The following RALGAPA2 variants were observed in gnomAD, a reference collection of about 807,000 sequenced individuals.
RALGAPA2 encodes Ral GTPase activating protein catalytic subunit alpha 2.
In RALGAPA2, 139 loss-of-function variants were observed where a neutral mutation model predicts 230.4. The observed-to-expected ratio is 0.60, with a 90% confidence interval of 0.53 to 0.69. The LOEUF is 0.69. Among genes scored for constraint, RALGAPA2 ranks in the 30% least tolerant of loss-of-function variants. The pLI, the probability that RALGAPA2 is intolerant of heterozygous loss-of-function variation, is 0.00. For synonymous variants in RALGAPA2, 847 were observed against 837.8 expected, an observed-to-expected ratio of 1.01 and a Z score of -0.19; for missense variants, 2,163 against 2,276.0, an observed-to-expected ratio of 0.95 and a Z score of 1.01.
chr20:20,699,575 C>A (rs1009224381), intron 1 of RALGAPA2, among the ~76,000 whole-genome samples: 3 of 152,170 alleles, frequency 2.0e-5, no homozygotes, highest in African/African-American at 7.2e-5. Context: ...CTCTTCCATG[C>A]AGTTCTGAAA....
At chr20:20,509,226 A>AG (rs1341839661) in intron 33 of RALGAPA2, among the ~76,000 whole-genome samples, 1 of 152,218 alleles carries the variant, frequency 6.6e-6, no homozygotes, top group African/African-American at 2.4e-5. Context: ...AATCACAAGA[A>AG]GAATCAGGAA....
intron 37 of RALGAPA2, among the ~76,000 whole-genome samples, chr20:20,428,152 A>G (rs2060425476): frequency 6.6e-6 from 1 of 152,158 alleles, no homozygotes; most frequent in Non-Finnish European, 1.5e-5. Context: ...CTGCTTTTAT[A>G]TTTTATATGC....
chr20:20,570,335 C>T (rs745923070), intron 23 of RALGAPA2, among the ~76,000 whole-genome samples: 28 of 152,006 alleles, frequency 1.8e-4, no homozygotes, highest in Admixed American at 1.3e-4. Context: ...TCTAAAGCAA[C>T]AAAAAAAGTT....
intron 37 of RALGAPA2, among the ~76,000 whole-genome samples, chr20:20,453,971 C>A (rs1279278685): frequency 6.6e-6 from 1 of 152,132 alleles, no homozygotes; most frequent in African/African-American, 2.4e-5. Context: ...AGACATTTTA[C>A]TGAATGATCA....
At chr20:20,668,062 G>C (rs1462511148) in intron 3 of RALGAPA2, among the ~76,000 whole-genome samples, 2 of 152,148 alleles carry the variant, frequency 1.3e-5, no homozygotes. Context: ...AGATGTACAA[G>C]ATACTAAGGA....
intron 10 of RALGAPA2, among the ~76,000 whole-genome samples, chr20:20,628,587 G>C (rs1019753469): frequency 2.0e-5 from 3 of 152,116 alleles, no homozygotes; most frequent in African/African-American, 7.2e-5. Context: ...TCTTTGTCAT[G>C]GTGGGGGTGG....
At chr20:20,500,561 T>C (rs2062344304) in intron 35 of RALGAPA2, among the ~76,000 whole-genome samples, 1 of 152,256 alleles carries the variant, frequency 6.6e-6, no homozygotes, top group Non-Finnish European at 1.5e-5. Context: ...TCTAGTTCTC[T>C]TGCTATTTCT....
intron 37 of RALGAPA2, among the ~76,000 whole-genome samples, chr20:20,423,350 G>T (rs1457870986): frequency 6.6e-6 from 1 of 152,160 alleles, no homozygotes; most frequent in African/African-American, 2.4e-5. Flanking sequence ...AGGAGAAAAG[G>T]GGAGAATGCA....
intron 3 of RALGAPA2, among the ~76,000 whole-genome samples, chr20:20,664,995 CTG>C (rs999269669): frequency 6.6e-6 from 1 of 152,146 alleles, no homozygotes; most frequent in African/African-American, 2.4e-5. Flanking sequence ...AGATGTCACT[CTG>C]TAACAGCCAC....
At chr20:20,490,951 T>C (rs752563198) in intron 36 of RALGAPA2, among the ~76,000 whole-genome samples, 61 of 151,276 alleles carry the variant, frequency 4.0e-4, no homozygotes, top group Non-Finnish European at 7.2e-4. Context: ...AGCGACTACT[T>C]CCATGACGCT....
At chr20:20,440,692 C>T (rs1448294965) in intron 37 of RALGAPA2, among the ~76,000 whole-genome samples, 2 of 152,214 alleles carry the variant, frequency 1.3e-5, no homozygotes, top group Non-Finnish European at 2.9e-5. Context: ...TCCACTGTAA[C>T]AATCAGACAG....
At chr20:20,673,033 A>G (rs1159747627) in intron 3 of RALGAPA2, among the ~76,000 whole-genome samples, 1 of 151,824 alleles carries the variant, frequency 6.6e-6, no homozygotes, top group African/African-American at 2.4e-5. Flanking sequence ...AAATACAAAA[A>G]AATTAGCTGG....
intron 24 of RALGAPA2, among the ~76,000 whole-genome samples, chr20:20,539,869 A>ACC (rs1185490885): frequency 6.6e-6 from 1 of 152,202 alleles, no homozygotes; most frequent in Non-Finnish European, 1.5e-5. Flanking sequence ...CACAGTATTT[A>ACC]TCTTTCTGAG....
intron 4 of RALGAPA2, among the ~76,000 whole-genome samples, chr20:20,647,732 G>GGA (rs2067264978): frequency 6.6e-6 from 1 of 151,906 alleles, no homozygotes; most frequent in Non-Finnish European, 1.5e-5. Flanking sequence ...TTTTTTTAAT[G>GGA]GGCAATAGAT....
At chr20:20,552,346 C>T (rs2063950071) in intron 23 of RALGAPA2, among the ~76,000 whole-genome samples, 1 of 152,206 alleles carries the variant, frequency 6.6e-6, no homozygotes, top group Non-Finnish European at 1.5e-5. Flanking sequence ...CGAGGCCAGA[C>T]ACAATCATCA....
At chr20:20,697,576 G>T (rs1424713327) in intron 1 of RALGAPA2, among the ~76,000 whole-genome samples, 1 of 152,096 alleles carries the variant, frequency 6.6e-6, no homozygotes, top group Non-Finnish European at 1.5e-5. Flanking sequence ...CCAGAATGAG[G>T]TTCTATCTCT....
chr20:20,635,600 G>C lies in RALGAPA2; in HGVS notation c.823C>G (p.Pro275Ala). Reference protein sequence around the residue: ...KPVLDIPHLRPKPVYITTTRD... With the variant: ...KPVLDIPHLRAKPVYITTTRD... Reference sequence around the variant, plus strand: ...GTGGTAGTAATGTACACAGGCTTTGGTCTCAAATGGGGGATGTCTGGTAGA... The same window carrying C: ...GTGGTAGTAATGTACACAGGCTTTGCTCTCAAATGGGGGATGTCTGGTAGA... Residue 275 changes from proline (P) to alanine (A), a missense_variant, in exon 9 of 40, where the codon CCA becomes GCA. Pro to Ala is a conservative substitution (Grantham distance 27). Transcript: ENST00000202677. 1.3e-6 allele frequency: 2 copies of C among 1,552,380 alleles called. No homozygotes were observed. Among genetic ancestry groups the C allele is most frequent in the Non-Finnish European group, 1.7e-6 (2 of 1,156,776 alleles).
In RALGAPA2 at chr20:20,629,344, C is replaced by G; in HGVS notation, c.1233+19G>C. 6.5e-7 allele frequency: 1 copy of G among 1,536,500 alleles called. No homozygotes were observed. Among genetic ancestry groups the G allele is most frequent in the Non-Finnish European group, 8.9e-7 (1 of 1,129,098 alleles). On this transcript the variant is annotated intron_variant, in intron 10 of 39. Transcript: ENST00000202677. The stretch of plus-strand genomic sequence containing the variant: ...TAACACACACACACACACACACACA[C>G]ACACACACACACACTAACCTGGTGA...
chr20:20,611,279 T>A, intron 14 of RALGAPA2, 36 bp downstream of exon 14: 1 of 1,562,816 alleles, frequency 6.4e-7, no homozygotes, highest in Non-Finnish European at 8.7e-7. Flanking sequence ...CTGATTCATT[T>A]CTTGCATTTG....
Sources: allele counts gnomAD v4.1 joint callset (sites outside exome capture counted in the v4.1 genomes callset), GRCh38; gene constraint gnomAD v4.1.1; transcripts MANE v1.5; gene names NCBI Gene and HGNC (gene_info 2026-07-23, HGNC 2026-07-21).